The following KCTD3 variants were observed in gnomAD, a reference collection of about 807,000 sequenced individuals.
KCTD3 encodes potassium channel tetramerization domain containing 3.
A neutral mutation model predicts 85.8 loss-of-function variants in KCTD3; 41 were observed. The observed-to-expected ratio is 0.48, with a 90% CI of 0.37 to 0.62. KCTD3 has a LOEUF of 0.62. Ranked by LOEUF, KCTD3 falls within the 20% of genes least tolerant of loss-of-function variation. KCTD3 has a pLI of 0.00. For missense variants in KCTD3, 724 were observed against 989.9 expected, an observed-to-expected ratio of 0.73 and a Z score of 3.60; for synonymous variants, 338 against 345.4, an observed-to-expected ratio of 0.98 and a Z score of 0.24.
At position 215,586,627 on chromosome 1, in the gene KCTD3, C is replaced by T. The variant is rs149751728; in HGVS notation, c.759C>T (p.Ala253=). ...HGDKDKMVAV[A]SESSIILWSV... is the part of the protein sequence containing the mutation. Reference sequence around the variant, plus strand: ...ACAAAGACAAAATGGTTGCTGTTGCCTCAGAGAGTAGCATCATCTTGTGGA... The same window carrying T: ...ACAAAGACAAAATGGTTGCTGTTGCTTCAGAGAGTAGCATCATCTTGTGGA... Residue 253 remains alanine, a synonymous_variant, in exon 9 of 18, where the codon GCC becomes GCT. Transcript: ENST00000259154. The T allele has an allele frequency of 5.0e-6, 8 of 1,613,892 alleles. No homozygotes were observed. The African/African-American group carries it at 1.1e-4, about 22-fold the overall frequency.
Position 215,573,989 on chromosome 1 carries a change from G to T in KCTD3, c.138-84G>T. On this transcript the variant is annotated intron_variant, in intron 2 of 17. Transcript: ENST00000259154. ...GGAAGATAGATAACTTACTTTTAGT[G>T]GTCTTTAACATTTGGTAAAGAATTA... 3.8e-6 allele frequency: 4 copies of T among 1,063,638 alleles called. No individual in the cohort carries two copies. The South Asian group carries it at 4.7e-5, about 13-fold the overall frequency. The allele number at this position is 1,063,638 out of a possible 1,614,324, so 65.9% of individuals were successfully genotyped here.
At chr1:215,578,379 A>C (rs1037685382) in intron 6 of KCTD3, among the ~76,000 whole-genome samples, 18 of 152,198 alleles carry the variant, frequency 1.2e-4, no homozygotes, top group African/African-American at 4.3e-4. Context: ...AACCACTACA[A>C]CTTTATTTAC....
In KCTD3 at chr1:215,608,130, G is replaced by C; in HGVS notation, c.1423G>C (p.Glu475Gln). Reference protein sequence around the residue: ...LASFKILSLEETESHGSYSSG... With the variant: ...LASFKILSLEQTESHGSYSSG... Reference sequence around the variant, plus strand: ...GTCATTCAAGATACTATCCCTGGAGGAGACAGAAAGTCATGGTAGCTATTC... The same window carrying C: ...GTCATTCAAGATACTATCCCTGGAGCAGACAGAAAGTCATGGTAGCTATTC... The change falls in exon 14 of 18, where the codon GAG becomes CAG. Residue 475 changes from glutamate (E) to glutamine (Q), a missense_variant. Physicochemically the swap from Glu to Gln is conservative, Grantham distance 29. Around this residue, in one of 6 missense-constraint regions of KCTD3, gnomAD observed 136 missense variants for 197.6 expected, o/e 0.69. Transcript: ENST00000259154. 1 of 1,611,644 alleles carries C rather than the reference G, an allele frequency of 6.2e-7. No homozygotes were observed. The highest frequency in any genetic ancestry group is 1.3e-5 in the African/African-American group (1 of 74,918).
At chr1:215,598,698 G>GA (rs56770054) in intron 10 of KCTD3, among the ~76,000 whole-genome samples, 68,289 of 151,694 alleles carry the variant, frequency 0.45, 17,289 homozygotes, top group African/African-American at 0.68. Context: ...AAAGGTCATT[G>GA]AAAAAAAATT....
intron 17 of KCTD3, 81 bp from the exon 18 acceptor site, chr1:215,619,976 T>C: frequency 9.7e-7 from 1 of 1,029,530 alleles, no homozygotes; most frequent in Non-Finnish European, 1.4e-6. Flanking sequence ...TATAGTGTGT[T>C]TTATTGGTTG....
chr1:215,576,009 C>A, intron 4 of KCTD3, 35 bp downstream of exon 4: 2 of 1,026,664 alleles, frequency 1.9e-6, no homozygotes, highest in Non-Finnish European at 2.9e-6. Flanking sequence ...TAAATTCTTA[C>A]TGATAAATAT....
rs1655099373 is a variant in KCTD3, at chr1:215,608,018, C to T, written c.1311C>T (p.Val437=). Residue 437 remains valine, a splice_region_variant and synonymous_variant, in exon 14 of 18, where the codon GTC becomes GTT. Coordinates refer to ENST00000259154, the MANE Select transcript of KCTD3 (RefSeq NM_016121.5). ...TTTTGTGTTCTCTTTCTCTGCTAGTCTGTGCAGATAATAATCATGTCCGGA... is the reference window on the plus strand; with the variant it reads ...TTTTGTGTTCTCTTTCTCTGCTAGTTTGTGCAGATAATAATCATGTCCGGA... ...IMLSEKHLVS[V]CADNNHVRTW... The T allele has an allele frequency of 1.3e-6, 2 of 1,596,972 alleles. No individual in the cohort carries two copies. The highest frequency in any genetic ancestry group is 1.8e-5 in the Admixed American group (1 of 55,222).
chr1:215,576,438 G>T (rs902161279), intron 4 of KCTD3, among the ~76,000 whole-genome samples: 1 of 151,786 alleles, frequency 6.6e-6, no homozygotes, highest in African/African-American at 2.4e-5. Context: ...GGATGTGGTG[G>T]TACACGCCTA....
intron 15 of KCTD3, among the ~76,000 whole-genome samples, chr1:215,616,928 AT>A (rs1370115733): frequency 2.6e-5 from 4 of 152,246 alleles, no homozygotes; most frequent in Non-Finnish European, 5.9e-5. Flanking sequence ...AAAGACCAAG[AT>A]GGGAGTAGAA....
At position 215,618,872 on chromosome 1, in the gene KCTD3, C is replaced by G; in HGVS notation, c.1563-14C>G. On this transcript the variant is annotated splice_polypyrimidine_tract_variant and intron_variant, in intron 15 of 17. Coordinates refer to ENST00000259154, the MANE Select transcript of KCTD3 (RefSeq NM_016121.5). ...CTCATTCCCATCAGGGCTCTTTCTG[C>G]TTTTCTTTTGCAGAATATGTGAGAT... 6.4e-7 allele frequency: 1 copy of G among 1,563,524 alleles called. No individual in the cohort carries two copies. The highest frequency in any genetic ancestry group is 8.6e-7 in the Non-Finnish European group (1 of 1,163,348).
intron 10 of KCTD3, among the ~76,000 whole-genome samples, chr1:215,596,420 A>G (rs923982130): frequency 2.0e-5 from 3 of 152,192 alleles, no homozygotes; most frequent in African/African-American, 7.2e-5. Flanking sequence ...TTTATGTGAT[A>G]AAAAATTAAT....
chr1:215,595,088 G>T (rs1660366741), intron 9 of KCTD3, among the ~76,000 whole-genome samples: 1 of 152,148 alleles, frequency 6.6e-6, no homozygotes. Flanking sequence ...TTATTTTGAT[G>T]ATCAGCTGAG....
intron 8 of KCTD3, chr1:215,580,887 G>A: frequency 2.5e-6 from 1 of 402,844 alleles, no homozygotes; most frequent in African/African-American, 2.2e-5. Context: ...GGTTTGGCAT[G>A]TCTGGTAAGT....
intron 8 of KCTD3, among the ~76,000 whole-genome samples, chr1:215,581,774 G>T (rs527643615): frequency 1.3e-5 from 2 of 152,256 alleles, no homozygotes; most frequent in East Asian, 1.9e-4. Flanking sequence ...GACATATTTG[G>T]ATTTCCTCAC....
chr1:215,589,728 A>G lies in KCTD3; in HGVS notation c.817+3043A>G, dbSNP rs777614174. Reference sequence around the variant, plus strand: ...TTTTGTGCCTGGCTTTTTATTAAGCATAATGCTTTTGAAATTCATCCATGT... The same window carrying G: ...TTTTGTGCCTGGCTTTTTATTAAGCGTAATGCTTTTGAAATTCATCCATGT... On this transcript the variant is annotated intron_variant, in intron 9 of 17. Transcript: ENST00000259154. Among the ~76,000 whole-genome samples, 10 of 152,338 alleles carry G rather than the reference A, an allele frequency of 6.6e-5. No individual in the cohort carries two copies. In the South Asian group the frequency reaches 8.3e-4, roughly 13 times the overall value.
chr1:215,597,248 A>G (rs1481123895), intron 10 of KCTD3, among the ~76,000 whole-genome samples: 1 of 151,898 alleles, frequency 6.6e-6, no homozygotes, highest in African/African-American at 2.4e-5. Context: ...AAAAAAAGAA[A>G]TGTTTCAGTT....
Position 215,575,888 on chromosome 1 carries a change from C to G in KCTD3, c.184-13C>G. On this transcript the variant is annotated splice_polypyrimidine_tract_variant and intron_variant, in intron 3 of 17. Transcript: ENST00000259154. ...TTTGTAATTTGAAAATAAAACTGTT[C>G]TCTTTTTTACAGATATTTATTGATA... The G allele has an allele frequency of 7.0e-7, 1 of 1,435,744 alleles. No individual in the cohort carries two copies. The allele number at this position is 1,435,744 out of a possible 1,614,324, so 88.9% of individuals were successfully genotyped here. A position where few individuals can be genotyped will look rare whatever the true frequency, so the allele number is the denominator to read the frequency against.
At chr1:215,583,398 T>C (rs563050537) in intron 8 of KCTD3, among the ~76,000 whole-genome samples, 15 of 152,224 alleles carry the variant, frequency 9.9e-5, no homozygotes, top group Non-Finnish European at 2.1e-4. Context: ...GAGTGTCTTT[T>C]AGCATGATAA....
At chr1:215,611,782 A>T in intron 14 of KCTD3, 43 bp from the exon 15 acceptor site, 1 of 1,286,610 alleles carries the variant, frequency 7.8e-7, no homozygotes. Flanking sequence ...GAGAAAAAAT[A>T]AAATTTTAAT....
Sources: gnomAD v4.1 joint callset for allele counts (sites outside exome capture counted in the v4.1 genomes callset) on GRCh38, gnomAD v4.1.1 for gene constraint, gnomAD v4.1.1 regional missense constraint, MANE v1.5 for transcripts, NCBI Gene and HGNC (gene_info 2026-07-23, HGNC 2026-07-21) for gene names.